PCDHA1: variants seen among roughly 807,000 people sequenced by gnomAD.
PCDHA1 encodes the protein protocadherin alpha-1.
A neutral mutation model predicts 61.3 loss-of-function variants in PCDHA1; 42 were observed. The observed-to-expected ratio is 0.69, with a 90% CI of 0.54 to 0.89. The LOEUF (loss-of-function observed/expected upper bound fraction) is 0.89. Among genes scored for constraint, PCDHA1 ranks in the 40% least tolerant of loss-of-function variants. The probability of loss-of-function intolerance (pLI) is 0.00; values close to 1 mark genes in which losing one functional copy is unlikely to be tolerated. For missense variants in PCDHA1, 1,256 were observed against 1,235.3 expected, an observed-to-expected ratio of 1.02 and a Z score of -0.25; for synonymous variants, 610 against 553.8, an observed-to-expected ratio of 1.10 and a Z score of -1.43.
chr5:140,821,713 T>C, intron 1 of PCDHA1: 1 of 1,478,600 alleles, frequency 6.8e-7, no homozygotes. Flanking sequence ...AATTGGGAAT[T>C]GAATTTACAA....
chr5:140,847,561 C>T (rs2150401906), intron 1 of PCDHA1: 1 of 148,992 alleles, frequency 6.7e-6, no homozygotes, highest in Non-Finnish European at 1.5e-5. Flanking sequence ...CAGAAATTGC[C>T]CCGAGTACTA....
At chr5:140,954,076 C>T (rs941125208) in intron 1 of PCDHA1, among the ~76,000 whole-genome samples, 4 of 152,150 alleles carry the variant, frequency 2.6e-5, no homozygotes, top group Non-Finnish European at 2.9e-5. Context: ...AGGATAATGG[C>T]TTCCAGCTCC....
intron 1 of PCDHA1, among the ~76,000 whole-genome samples, chr5:140,911,608 T>C (rs1045101856): frequency 1.3e-5 from 2 of 152,180 alleles, no homozygotes; most frequent in Non-Finnish European, 2.9e-5. Context: ...TTCATTATGT[T>C]CCTTAGTTCC....
At chr5:140,869,139 A>C (rs2050869640) in intron 1 of PCDHA1, 1 of 1,613,156 alleles carries the variant, frequency 6.2e-7, no homozygotes, top group Admixed American at 1.7e-5. Flanking sequence ...TGGGCACCCC[A>C]CGACTACAGC....
chr5:140,875,143 G>A (rs2055292608), intron 1 of PCDHA1, among the ~76,000 whole-genome samples: 1 of 152,174 alleles, frequency 6.6e-6, no homozygotes, highest in Non-Finnish European at 1.5e-5. Context: ...ATTTATAAAT[G>A]ATCCGTGAAA....
At chr5:140,924,670 C>A (rs2081947196) in intron 1 of PCDHA1, among the ~76,000 whole-genome samples, 1 of 151,926 alleles carries the variant, frequency 6.6e-6, no homozygotes, top group African/African-American at 2.4e-5. Flanking sequence ...CGAGGCAGGC[C>A]AATCACTTGA....
At chr5:140,869,380 G>A (rs1315666503) in intron 1 of PCDHA1, 1 of 1,614,046 alleles carries the variant, frequency 6.2e-7, no homozygotes, top group African/African-American at 1.3e-5. Context: ...GATCGACCGC[G>A]AGGAGCTGTG....
chr5:140,928,231 C>T (rs2085058715), intron 1 of PCDHA1: 2 of 1,614,108 alleles, frequency 1.2e-6, no homozygotes, highest in South Asian at 2.2e-5. Context: ...AAACTTTCCT[C>T]AACCCCAGCA....
chr5:140,828,741 G>T, intron 1 of PCDHA1: 1 of 1,614,220 alleles, frequency 6.2e-7, no homozygotes, highest in Non-Finnish European at 8.5e-7. Context: ...GCCACAGATG[G>T]GGGCAAACCT....
chr5:140,844,747 T>C (rs1779528592), intron 1 of PCDHA1, among the ~76,000 whole-genome samples: 1 of 149,678 alleles, frequency 6.7e-6, no homozygotes, highest in Admixed American at 6.7e-5. Context: ...TATTATGGGA[T>C]AAATCTTTGA....
Position 140,978,839 on chromosome 5 carries a change from C to CT in PCDHA1, c.2395-104dup, listed in dbSNP as rs5871758. On this transcript the variant is annotated intron_variant, in intron 1 of 3. Transcript: ENST00000504120. ...TACACATGAAATGGCTCATTCAATA[C>CT]TTTTTTAGATGCCTGGAAATATTTA... 14,607 of 1,556,970 alleles carry CT rather than the reference C, an allele frequency of 9.4e-3. 629 individuals carry two copies. The African/African-American group carries it at 0.12, about 13-fold the overall frequency.
intron 1 of PCDHA1, chr5:140,829,491 A>G (rs1770339510): frequency 1.2e-6 from 2 of 1,613,552 alleles, no homozygotes; most frequent in African/African-American, 1.3e-5. Context: ...GTGAAGGAGA[A>G]CAACCCGCCG....
intron 1 of PCDHA1, among the ~76,000 whole-genome samples, chr5:140,793,334 G>GAGTC (rs1463830180): frequency 6.6e-6 from 1 of 152,218 alleles, no homozygotes; most frequent in African/African-American, 2.4e-5. Context: ...TTCCATGTAT[G>GAGTC]AGTCAGTACA....
chr5:140,862,934 G>C (rs1050739882), intron 1 of PCDHA1: 3 of 542,192 alleles, frequency 5.5e-6, no homozygotes, highest in African/African-American at 2.0e-5. Flanking sequence ...TGGCGGCGCT[G>C]TGAGTGAGCT....
At chr5:140,865,092 AG>A (rs2153225895) in intron 1 of PCDHA1, 1 of 152,364 alleles carries the variant, frequency 6.6e-6, no homozygotes, top group East Asian at 1.9e-4. Context: ...ATATTAATAA[AG>A]GCACTTCCAC....
chr5:140,961,736 T>C (rs1554225571), intron 1 of PCDHA1, among the ~76,000 whole-genome samples: 1 of 152,178 alleles, frequency 6.6e-6, no homozygotes. Context: ...ACAATCACTT[T>C]AGTAATATTA....
At chr5:140,842,832 T>C in intron 1 of PCDHA1, 2 of 1,593,838 alleles carry the variant, frequency 1.3e-6, no homozygotes, top group East Asian at 2.2e-5. Flanking sequence ...GAGCGCTCGC[T>C]GTCGAGCTAC....
intron 3 of PCDHA1, among the ~76,000 whole-genome samples, chr5:141,003,751 T>G (rs3822342): frequency 0.05 from 7,683 of 152,316 alleles, 243 homozygotes; most frequent in South Asian, 0.11. Flanking sequence ...ATATTTTGTA[T>G]AATTATGGTC....
intron 1 of PCDHA1, chr5:140,835,703 C>A (rs2150242433): frequency 6.2e-6 from 10 of 1,613,784 alleles, no homozygotes; most frequent in Middle Eastern, 1.6e-4. Context: ...CCACTGCTAG[C>A]GTGTCCGTGG....
Sources: allele counts gnomAD v4.1 joint callset (sites outside exome capture counted in the v4.1 genomes callset), GRCh38; gene constraint gnomAD v4.1.1; transcripts MANE v1.5; gene names NCBI Gene and HGNC (gene_info 2026-07-23, HGNC 2026-07-21).